Variants in RAB3GAP2 observed in about 807,000 individuals in gnomAD.
The protein encoded by RAB3GAP2 is RAB3 GTPase activating non-catalytic protein subunit 2, also known as rab3 GTPase-activating protein non-catalytic subunit.
In RAB3GAP2, 87 loss-of-function variants were observed where a neutral mutation model predicts 185.3. The observed-to-expected ratio is 0.47, with a 90% CI of 0.39 to 0.56. RAB3GAP2 has a LOEUF of 0.56. Ranked by LOEUF, RAB3GAP2 falls within the 20% of genes least tolerant of loss-of-function variation. RAB3GAP2 has a pLI of 0.00. For missense variants in RAB3GAP2, 1,492 were observed against 1,638.2 expected, an observed-to-expected ratio of 0.91 and a Z score of 1.54; for synonymous variants, 554 against 576.1, an observed-to-expected ratio of 0.96 and a Z score of 0.55.
chr1:220,151,507 T>C, intron 34 of RAB3GAP2, 99 bp downstream of exon 34: 1 of 1,591,760 alleles, frequency 6.3e-7, no homozygotes, highest in Non-Finnish European at 8.6e-7. Context: ...TGTAACTAGG[T>C]GAATTAAACT....
chr1:220,172,620 CA>C lies in RAB3GAP2; in HGVS notation c.2416+16del, dbSNP rs747623074. 6.4e-7 allele frequency: 1 copy of C among 1,550,906 alleles called. No homozygotes were observed. Among genetic ancestry groups the C allele is most frequent in the African/African-American group, 1.4e-5 (1 of 73,510 alleles). On this transcript the variant is annotated intron_variant, in intron 22 of 34. Coordinates refer to ENST00000358951, the MANE Select transcript of RAB3GAP2 (RefSeq NM_012414.4). ...AAACACGAAACTTTGTTGACGAGAG[CA>C]ACAAACTTTGTTTACCTTTCATCTT...
intron 1 of RAB3GAP2, among the ~76,000 whole-genome samples, chr1:220,257,503 C>T (rs1278435542): frequency 1.3e-5 from 2 of 152,014 alleles, no homozygotes; most frequent in Non-Finnish European, 2.9e-5. Flanking sequence ...TTAAAGCAGA[C>T]ATCAAAAAGA....
At chr1:220,160,643 T>A (rs1224893737) in intron 28 of RAB3GAP2, among the ~76,000 whole-genome samples, 1 of 152,238 alleles carries the variant, frequency 6.6e-6, no homozygotes, top group Admixed American at 6.5e-5. Context: ...CATCCTAAGC[T>A]ACTTCTAGTT....
rs1484749756 is a variant in RAB3GAP2, at chr1:220,148,735, A to C, written c.*2516T>G. 1 of 150,996 alleles carries C rather than the reference A, an allele frequency of 6.6e-6. No individual in the cohort carries two copies. The highest frequency in any genetic ancestry group is 1.5e-5 in the Non-Finnish European group (1 of 68,016). 9.4% of individuals were successfully genotyped at this position (150,996 alleles called of 1,614,324 possible). ...TAGATGAAGTTTTATAATAAAAGTA[A>C]AACTTTTTTTTTCTGTTTGCAAAAG... On this transcript the variant is annotated 3_prime_UTR_variant, in exon 35 of 35. Transcript: ENST00000358951.
intron 1 of RAB3GAP2, 140 bp downstream of exon 1, chr1:220,272,083 C>T (rs926250344): frequency 2.6e-6 from 2 of 755,078 alleles, no homozygotes; most frequent in African/African-American, 1.7e-5. Context: ...GGTGTCATCC[C>T]GGAGCGGAGG....
In RAB3GAP2 at chr1:220,191,204, G is replaced by T. The variant is rs749329123; in HGVS notation, c.1351C>A (p.Pro451Thr). 5.6e-6 allele frequency: 9 copies of T among 1,613,746 alleles called. No homozygotes were observed. The East Asian group carries it at 2.0e-4, about 36-fold the overall frequency. The change falls in exon 14 of 35, where the codon CCC becomes ACC. Residue 451 changes from proline (P) to threonine (T), a missense_variant. Physicochemically the swap from Pro to Thr is conservative, Grantham distance 38. Transcript: ENST00000358951. ...ERVPEKADFS[P>T]FGNSQGPSRV... ...CTTGGACCCTGAGAATTTCCAAAGG[G>T]GGAAAAATCTGCCTTTTCTGGCACT...
chr1:220,190,976 T>G, intron 14 of RAB3GAP2, 92 bp downstream of exon 14: 1 of 1,198,478 alleles, frequency 8.3e-7, no homozygotes, highest in South Asian at 1.2e-5. Context: ...AAACTTGTAA[T>G]CTAATAAGCA....
chr1:220,239,952 T>A (rs910536762), intron 1 of RAB3GAP2, among the ~76,000 whole-genome samples: 1 of 148,962 alleles, frequency 6.7e-6, no homozygotes, highest in African/African-American at 2.5e-5. Flanking sequence ...ATAAAAGCCA[T>A]TGAGTTCCCA....
At chr1:220,179,244 CAA>C (rs71169437) in intron 21 of RAB3GAP2, among the ~76,000 whole-genome samples, 2 of 56,834 alleles carry the variant, frequency 3.5e-5, no homozygotes, top group African/African-American at 7.4e-5. Context: ...GAGACTGTCT[CAA>C]AAAAAAAAAA....
In RAB3GAP2 at chr1:220,191,186, C is replaced by A; in HGVS notation, c.1369G>T (p.Gly457Cys). 1.2e-6 allele frequency: 2 copies of A among 1,613,950 alleles called. No homozygotes were observed. Among genetic ancestry groups the A allele is most frequent in the Non-Finnish European group, 8.5e-7 (1 of 1,179,962 alleles). ...ADFSPFGNSQGPSRVAQFLVI... is the reference protein window; with the variant it reads ...ADFSPFGNSQCPSRVAQFLVI... ...AGGAATTGAGCTACTCGACTTGGAC[C>A]CTGAGAATTTCCAAAGGGGGAAAAA... Residue 457 changes from glycine to cysteine, a missense_variant, in exon 14 of 35, where the codon GGT (glycine) becomes TGT (cysteine). Coordinates refer to ENST00000358951, the MANE Select transcript of RAB3GAP2 (RefSeq NM_012414.4).
intron 17 of RAB3GAP2, 83 bp from the exon 18 acceptor site, chr1:220,185,824 C>T: frequency 1.0e-6 from 1 of 991,974 alleles, no homozygotes; most frequent in East Asian, 2.5e-5. Context: ...CCCAAACTTT[C>T]ACTACCCCAA....
At chr1:220,185,041 C>T (rs1658484250) in intron 18 of RAB3GAP2, among the ~76,000 whole-genome samples, 1 of 152,042 alleles carries the variant, frequency 6.6e-6, no homozygotes, top group African/African-American at 2.4e-5. Context: ...ATTAATATGA[C>T]AAACAAAAGT....
chr1:220,208,597 C>T (rs1422888274), intron 7 of RAB3GAP2, among the ~76,000 whole-genome samples: 1 of 152,214 alleles, frequency 6.6e-6, no homozygotes, highest in African/African-American at 2.4e-5. Context: ...ATGTAGTCCC[C>T]TATTCCAACT....
chr1:220,236,787 A>G (rs1016832792), intron 1 of RAB3GAP2, among the ~76,000 whole-genome samples: 6 of 152,166 alleles, frequency 3.9e-5, no homozygotes, highest in Admixed American at 6.5e-5. Context: ...AACCTTTCCA[A>G]GAAGGATGGT....
intron 1 of RAB3GAP2, among the ~76,000 whole-genome samples, chr1:220,246,032 A>G (rs1240774714): frequency 6.6e-6 from 1 of 152,222 alleles, no homozygotes; most frequent in East Asian, 1.9e-4. Flanking sequence ...CCCATCTGAC[A>G]AAGGGCTAAT....
Position 220,181,611 on chromosome 1 carries a change from C to T in RAB3GAP2, c.2310+646G>A, listed in dbSNP as rs1320694083. On this transcript the variant is annotated intron_variant, in intron 21 of 34. Transcript: ENST00000358951. ...CAATTCCACATTGCTTTATGGGAAG[C>T]TTATTTTGTTTTTAAGATATTTTTC... Among the ~76,000 whole-genome samples, 3 of 151,878 alleles carry T rather than the reference C, an allele frequency of 2.0e-5. No individual in the cohort carries two copies. In the East Asian group the frequency reaches 5.8e-4, roughly 29 times the overall value.
At chr1:220,195,762 T>C (rs1658712624) in intron 10 of RAB3GAP2, among the ~76,000 whole-genome samples, 1 of 152,158 alleles carries the variant, frequency 6.6e-6, no homozygotes, top group Non-Finnish European at 1.5e-5. Flanking sequence ...CACACACACA[T>C]TTTTATAAAA....
chr1:220,251,426 T>C (rs550304850), intron 1 of RAB3GAP2, among the ~76,000 whole-genome samples: 2 of 152,218 alleles, frequency 1.3e-5, no homozygotes, highest in Middle Eastern at 3.2e-3. Flanking sequence ...TGATAAACTT[T>C]TGTAAAACAA....
Position 220,191,102 on chromosome 1 carries a change from T to G in RAB3GAP2, c.1453A>C (p.Arg485=). ...TTCCCCACATTGAAAGCTCCTACTC[T>G]AGGTCCCTGCTGTGTGCTCCACACT... ...LEVWSTQQGP[R]VGAFNVGKHC... The change falls in exon 14 of 35, where the codon AGA becomes CGA. Residue 485 remains arginine (R), a synonymous_variant. Transcript: ENST00000358951. 6.2e-7 allele frequency: 1 copy of G among 1,614,034 alleles called. No individual in the cohort carries two copies. The highest frequency in any genetic ancestry group is 8.5e-7 in the Non-Finnish European group (1 of 1,179,968).
Sources: gnomAD v4.1 joint callset for allele counts (sites outside exome capture counted in the v4.1 genomes callset) on GRCh38, gnomAD v4.1.1 for gene constraint, MANE v1.5 for transcripts, NCBI Gene and HGNC (gene_info 2026-07-23, HGNC 2026-07-21) for gene names.